Variants in GALNT17 observed in about 807,000 individuals in gnomAD.
The protein encoded by GALNT17 is polypeptide N-acetylgalactosaminyltransferase 17, also known as UDP-GalNAc:polypeptide N-acetylgalactosaminyltransferase-like 3.
In GALNT17, 29 loss-of-function variants were observed where a neutral mutation model predicts 63.7. The ratio of observed to expected loss-of-function variants is 0.46; its 90% confidence interval spans 0.34 to 0.62. The LOEUF (loss-of-function observed/expected upper bound fraction) is 0.62, where lower values mean the gene tolerates loss of function less well. Ranked by LOEUF, GALNT17 falls within the 20% of genes least tolerant of loss-of-function variation. The pLI is 0.01. For synonymous variants in GALNT17, 305 were observed against 318.3 expected (o/e 0.96, Z 0.45); for missense variants, 603 against 799.6 (o/e 0.75, Z 2.97).
chr7:71,204,985 A>G (rs765962908), intron 1 of GALNT17, among the ~76,000 whole-genome samples: 3 of 151,836 alleles, frequency 2.0e-5, no homozygotes, highest in Non-Finnish European at 4.4e-5. Flanking sequence ...ACCTCAAGTA[A>G]TCCACCTGTC....
chr7:71,488,889 CTTTTTTTT>C (rs369124996), intron 5 of GALNT17, among the ~76,000 whole-genome samples: 3 of 54,724 alleles, frequency 5.5e-5, no homozygotes, highest in Non-Finnish European at 9.1e-5. Context: ...GCCAGGTTTC[CTTTTTTTT>C]TTTTTTTTTT....
At chr7:71,529,157 A>AAATG (rs1788674183) in intron 5 of GALNT17, among the ~76,000 whole-genome samples, 2 of 152,096 alleles carry the variant, frequency 1.3e-5, no homozygotes, top group Non-Finnish European at 2.9e-5. Flanking sequence ...ATAAATAAAT[A>AAATG]AATAATGAAA....
At chr7:71,382,068 G>A (rs981757950) in intron 2 of GALNT17, among the ~76,000 whole-genome samples, 44 of 152,098 alleles carry the variant, frequency 2.9e-4, no homozygotes, top group Admixed American at 5.9e-4. Flanking sequence ...ACCAGGGAAG[G>A]GCTAATAGAT....
At chr7:71,271,127 CA>C (rs1420224848) in intron 1 of GALNT17, among the ~76,000 whole-genome samples, 3 of 152,154 alleles carry the variant, frequency 2.0e-5, no homozygotes, top group Non-Finnish European at 4.4e-5. Context: ...TTGCTCATTC[CA>C]AATGTGTTAG....
intron 3 of GALNT17, among the ~76,000 whole-genome samples, chr7:71,389,399 G>A (rs1793008969): frequency 6.6e-6 from 1 of 152,010 alleles, no homozygotes; most frequent in Non-Finnish European, 1.5e-5. Flanking sequence ...CTCCCAAAGT[G>A]CTGGGATTAC....
At chr7:71,478,043 G>A (rs139257874) in intron 5 of GALNT17, among the ~76,000 whole-genome samples, 34 of 152,284 alleles carry the variant, frequency 2.2e-4, no homozygotes, top group African/African-American at 7.9e-4. Context: ...CATTTAGAGG[G>A]TGTAGGATTT....
chr7:71,397,252 T>C (rs1164779369), intron 3 of GALNT17, among the ~76,000 whole-genome samples: 1 of 152,174 alleles, frequency 6.6e-6, no homozygotes, highest in Non-Finnish European at 1.5e-5. Context: ...GACGGCTAAG[T>C]CATGAGTGAG....
At position 71,298,714 on chromosome 7, in the gene GALNT17, GTGTGTGTGT is replaced by G. The variant is rs746277971; in HGVS notation, c.239-36835_239-36827del. On this transcript the variant is annotated intron_variant, in intron 1 of 10. Transcript: ENST00000333538. ...TGCACGACTTTTATTCCAGTGGGGT[GTGTGTGTGT>G]GTGTGTGTGTGTGTGTATGTATGTG... Among the ~76,000 whole-genome samples, 5 of 57,822 alleles carry G rather than the reference GTGTGTGTGT, an allele frequency of 8.6e-5. No individual in the cohort carries two copies. In the Admixed American group the frequency reaches 8.9e-4, roughly 10 times the overall value. 37.9% of individuals were successfully genotyped at this position (57,822 alleles called of 152,430 possible).
intron 5 of GALNT17, among the ~76,000 whole-genome samples, chr7:71,459,115 C>T (rs1212732405): frequency 2.0e-5 from 3 of 152,032 alleles, no homozygotes; most frequent in Admixed American, 1.3e-4. Context: ...AAACACCTTT[C>T]GGCAAATTAA....
At chr7:71,685,990 T>C (rs1450829006) in intron 9 of GALNT17, among the ~76,000 whole-genome samples, 20 of 131,550 alleles carry the variant, frequency 1.5e-4, no homozygotes, top group Non-Finnish European at 2.3e-4. Context: ...AGTCTCACTC[T>C]GTCACCCAGG....
At chr7:71,281,141 G>A (rs1790771228) in intron 1 of GALNT17, among the ~76,000 whole-genome samples, 1 of 152,158 alleles carries the variant, frequency 6.6e-6, no homozygotes, top group African/African-American at 2.4e-5. Context: ...GAAACCAAAA[G>A]CGGGCCCAGT....
chr7:71,666,342 TAATATATAA>T (rs1428693250), intron 7 of GALNT17, among the ~76,000 whole-genome samples: 2 of 148,354 alleles, frequency 1.3e-5, no homozygotes, highest in Admixed American at 6.8e-5. Context: ...TATATTTATA[TAATATATAA>T]AATATATAAT....
Position 71,132,711 on chromosome 7 carries a change from G to C in GALNT17, c.-92G>C. Reference sequence around the variant, plus strand: ...GGCTTGGATCCCTGCCGGCCGTCTGGTGTGTGAGGCTTGCACGGCCCCTGG... The same window carrying C: ...GGCTTGGATCCCTGCCGGCCGTCTGCTGTGTGAGGCTTGCACGGCCCCTGG... On this transcript the variant is annotated 5_prime_UTR_variant, in exon 1 of 11. Transcript: ENST00000333538. The C allele has an allele frequency of 9.2e-7, 1 of 1,088,292 alleles. No homozygotes were observed. Among genetic ancestry groups the C allele is most frequent in the Non-Finnish European group, 1.3e-6 (1 of 768,630 alleles). The allele number at this position is 1,088,292 out of a possible 1,614,324, so 67.4% of individuals were successfully genotyped here.
intron 1 of GALNT17, among the ~76,000 whole-genome samples, chr7:71,205,569 C>T (rs992747162): frequency 7.9e-5 from 12 of 152,116 alleles, no homozygotes; most frequent in South Asian, 2.1e-4. Context: ...AGTACAGGCA[C>T]GCTCCACCAC....
intron 6 of GALNT17, among the ~76,000 whole-genome samples, chr7:71,630,086 G>T (rs911453142): frequency 3.3e-5 from 5 of 149,804 alleles, no homozygotes; most frequent in African/African-American, 1.2e-4. Context: ...GAGATCATTA[G>T]CCTGGGATCC....
Position 71,156,263 on chromosome 7 carries a change from A to C in GALNT17, c.238+23223A>C, listed in dbSNP as rs537355751. ...TGCCTGTAGCTTGAACACCTACCAA[A>C]GATAAGGGCATAGAGCAGGCTAGGG... On this transcript the variant is annotated intron_variant, in intron 1 of 10. Coordinates refer to ENST00000333538, the MANE Select transcript of GALNT17 (RefSeq NM_022479.3). Among the ~76,000 whole-genome samples, 13 of 151,946 alleles carry C rather than the reference A, an allele frequency of 8.6e-5. 1 individual carries two copies. Among genetic ancestry groups the C allele is most frequent in the African/African-American group, 2.9e-4 (12 of 41,262 alleles).
rs144411215 is a variant in GALNT17 at position 71,398,603 on chromosome 7, G to T, written c.589+10202G>T. On this transcript the variant is annotated intron_variant, in intron 3 of 10. Transcript: ENST00000333538. ...TTTAGTTTCTATCTTTCATGTTGGA[G>T]GCTTTCCTTAGATATCTGGTGAGTC... Among the ~76,000 whole-genome samples the T allele has an allele frequency of 1.9e-4, 29 of 152,164 alleles. No individual in the cohort carries two copies. The East Asian group carries it at 4.8e-3, about 25-fold the overall frequency.
intron 1 of GALNT17, among the ~76,000 whole-genome samples, chr7:71,242,109 C>T (rs1790006599): frequency 2.0e-5 from 3 of 151,950 alleles, no homozygotes; most frequent in Admixed American, 2.0e-4. Flanking sequence ...TTTAAACAAC[C>T]AGCTTTCTTG....
At chr7:71,319,989 C>G (rs1022190183) in intron 1 of GALNT17, among the ~76,000 whole-genome samples, 1 of 152,184 alleles carries the variant, frequency 6.6e-6, no homozygotes, top group Non-Finnish European at 1.5e-5. Flanking sequence ...TTTCAAGTCT[C>G]TGCTCATGAC....
Sources: gnomAD v4.1 joint callset for allele counts (sites outside exome capture counted in the v4.1 genomes callset) on GRCh38, gnomAD v4.1.1 for gene constraint, MANE v1.5 for transcripts, NCBI Gene and HGNC (gene_info 2026-07-23, HGNC 2026-07-21) for gene names.